ADCY2: variants seen among roughly 807,000 people sequenced by gnomAD.
ADCY2 encodes the protein adenylate cyclase 2.
In ADCY2, 31 loss-of-function variants were observed where a neutral mutation model predicts 125.2. That is an observed-to-expected ratio of 0.25 (90% CI 0.19 to 0.33). ADCY2 has a LOEUF of 0.33. Ranked by LOEUF, ADCY2 falls within the 10% of genes least tolerant of loss-of-function variation. The pLI is 1.00. For synonymous variants in ADCY2, 512 were observed against 548.4 expected (o/e 0.93, Z 0.93); for missense variants, 904 against 1,418.2 (o/e 0.64, Z 5.82).
At chr5:7,647,966 G>T (rs1334103681) in intron 4 of ADCY2, among the ~76,000 whole-genome samples, 1 of 152,160 alleles carries the variant, frequency 6.6e-6, no homozygotes, top group Middle Eastern at 3.2e-3. Context: ...TGGGGAAAAG[G>T]CGCAATGCCA....
intron 2 of ADCY2, among the ~76,000 whole-genome samples, chr5:7,456,956 G>A (rs1250989146): frequency 1.3e-5 from 2 of 152,068 alleles, no homozygotes. Flanking sequence ...TCAATGTGTG[G>A]GGCCAACACC....
In ADCY2 at chr5:7,545,766, A is replaced by G. The variant is rs553127281; in HGVS notation, c.570+24867A>G. The stretch of plus-strand genomic sequence containing the variant: ...CGGTGGGTTACACGCCAACCGATAA[A>G]CAGCCCTTTTGCTTCTTCCTTCTTT... On this transcript the variant is annotated intron_variant, in intron 3 of 24. Coordinates refer to ENST00000338316, the MANE Select transcript of ADCY2 (RefSeq NM_020546.3). Among the ~76,000 whole-genome samples the G allele has an allele frequency of 3.9e-5, 6 of 152,220 alleles. No individual in the cohort carries two copies. In the East Asian group the frequency reaches 1.2e-3, roughly 29 times the overall value.
chr5:7,594,818 C>T (rs760237672), intron 3 of ADCY2, among the ~76,000 whole-genome samples: 2 of 152,158 alleles, frequency 1.3e-5, no homozygotes, highest in Non-Finnish European at 2.9e-5. Context: ...ATCCAAAGCT[C>T]TTATGTAAAG....
At chr5:7,411,550 T>C (rs1239252560) in intron 1 of ADCY2, among the ~76,000 whole-genome samples, 2 of 152,180 alleles carry the variant, frequency 1.3e-5, no homozygotes, top group Non-Finnish European at 2.9e-5. Context: ...TTAAACATTT[T>C]TGCAGGACTC....
At chr5:7,637,403 G>C (rs1426179411) in intron 4 of ADCY2, among the ~76,000 whole-genome samples, 2 of 139,720 alleles carry the variant, frequency 1.4e-5, no homozygotes, top group Non-Finnish European at 1.5e-5. Context: ...CTGCACTACA[G>C]CCTGGGTAAC....
Position 7,695,882 on chromosome 5 carries a change from T to C in ADCY2, c.981+19T>C, listed in dbSNP as rs938747450. The C allele has an allele frequency of 7.1e-6, 11 of 1,539,448 alleles. No individual in the cohort carries two copies. The highest frequency in any genetic ancestry group is 1.4e-5 in the African/African-American group (1 of 72,726). ...TGCAAAGGTGAGTATTATGGATTCT[T>C]TTCTTCTCTGAAGATTTCTAAACTC... On this transcript the variant is annotated intron_variant, in intron 6 of 24. Transcript: ENST00000338316.
chr5:7,630,524 A>G (rs1356418674), intron 4 of ADCY2, among the ~76,000 whole-genome samples: 3 of 152,162 alleles, frequency 2.0e-5, no homozygotes, highest in Non-Finnish European at 4.4e-5. Flanking sequence ...AATTTCCACA[A>G]ATTTGATGGC....
At chr5:7,759,063 C>T (rs761927075) in intron 16 of ADCY2, among the ~76,000 whole-genome samples, 160 of 152,230 alleles carry the variant, frequency 1.1e-3, no homozygotes, top group Non-Finnish European at 1.5e-3. Context: ...GCCTCTCCAT[C>T]GCTTTGTGTA....
intron 4 of ADCY2, among the ~76,000 whole-genome samples, chr5:7,628,088 C>T (rs1016595076): frequency 6.6e-6 from 1 of 152,156 alleles, no homozygotes; most frequent in Non-Finnish European, 1.5e-5. Flanking sequence ...TAACGTTTTA[C>T]ATCTGTGTTC....
At chr5:7,637,382 A>G (rs1245057544) in intron 4 of ADCY2, among the ~76,000 whole-genome samples, 3 of 149,738 alleles carry the variant, frequency 2.0e-5, no homozygotes, top group Non-Finnish European at 4.4e-5. Flanking sequence ...GTGAGCCGAG[A>G]TATCACAACA....
rs1176566352 is a variant in ADCY2 at position 7,820,617 on chromosome 5, A to G, written c.3051A>G (p.Gln1017=). 8.1e-6 allele frequency: 13 copies of G among 1,614,024 alleles called. No homozygotes were observed. Among genetic ancestry groups the G allele is most frequent in the East Asian group, 2.2e-5 (1 of 44,888 alleles). The change falls in exon 24 of 25, where the codon CAA becomes CAG. Residue 1017 remains glutamine, a synonymous_variant. Transcript: ENST00000338316. The part of the protein sequence containing the change: ...IAGVIGAQKP[Q]YDIWGNTVNV... The stretch of plus-strand genomic sequence containing the variant: ...GTGTGATTGGAGCTCAGAAGCCACA[A>G]TATGATATCTGGGGCAACACTGTCA...
chr5:7,580,500 T>G (rs906453518), intron 3 of ADCY2, among the ~76,000 whole-genome samples: 2 of 152,150 alleles, frequency 1.3e-5, no homozygotes, highest in Non-Finnish European at 2.9e-5. Context: ...AGAAGAATAG[T>G]ATTGAACATG....
intron 2 of ADCY2, among the ~76,000 whole-genome samples, chr5:7,510,863 G>T (rs1014652144): frequency 2.0e-5 from 3 of 152,208 alleles, no homozygotes; most frequent in Non-Finnish European, 2.9e-5. Context: ...GATATGAAGA[G>T]TTGTGATACT....
intron 2 of ADCY2, among the ~76,000 whole-genome samples, chr5:7,453,543 A>G (rs1348087518): frequency 6.6e-6 from 1 of 152,176 alleles, no homozygotes; most frequent in Non-Finnish European, 1.5e-5. Context: ...GGCAGAAGGC[A>G]GAAGGAGAGA....
At chr5:7,568,987 T>C (rs1256023839) in intron 3 of ADCY2, among the ~76,000 whole-genome samples, 1 of 152,178 alleles carries the variant, frequency 6.6e-6, no homozygotes, top group African/African-American at 2.4e-5. Flanking sequence ...TCAAATAGAC[T>C]AACAACTATG....
At chr5:7,803,711 C>T in intron 21 of ADCY2, among the ~76,000 whole-genome samples, 1 of 151,980 alleles carries the variant, frequency 6.6e-6, no homozygotes, top group East Asian at 1.9e-4. Flanking sequence ...CCAGCCTGGG[C>T]TACATAGGGA....
intron 2 of ADCY2, among the ~76,000 whole-genome samples, chr5:7,508,339 T>A (rs1396346303): frequency 6.6e-6 from 1 of 152,176 alleles, no homozygotes; most frequent in Non-Finnish European, 1.5e-5. Context: ...TATTGCAATA[T>A]AATTTATTTC....
At chr5:7,695,360 A>G (rs1267415127) in intron 5 of ADCY2, among the ~76,000 whole-genome samples, 3 of 152,220 alleles carry the variant, frequency 2.0e-5, no homozygotes, top group Non-Finnish European at 4.4e-5. Flanking sequence ...CATTTGTTCA[A>G]TACATCCTCC....
intron 3 of ADCY2, among the ~76,000 whole-genome samples, chr5:7,531,213 C>T (rs1025421250): frequency 8.5e-5 from 13 of 152,178 alleles, no homozygotes; most frequent in Non-Finnish European, 1.2e-4. Flanking sequence ...TATCATGCCA[C>T]TCTTTGTCTA....
Sources: allele counts gnomAD v4.1 joint callset (sites outside exome capture counted in the v4.1 genomes callset), GRCh38; gene constraint gnomAD v4.1.1; transcripts MANE v1.5; gene names NCBI Gene and HGNC (gene_info 2026-07-23, HGNC 2026-07-21).